The following PRIM2 variants were observed in gnomAD, a reference collection of about 807,000 sequenced individuals.
PRIM2 encodes DNA primase large subunit.
In PRIM2, 39 loss-of-function variants were observed where a neutral mutation model predicts 67.3. The ratio of observed to expected loss-of-function variants is 0.58; its 90% CI spans 0.45 to 0.76. PRIM2 has a LOEUF of 0.76. PRIM2 is among the 30% of genes least tolerant of loss of function. The pLI is 0.00. For synonymous variants in PRIM2, 143 were observed against 198.7 expected (o/e 0.72, Z 2.36); for missense variants, 398 against 598.7 (o/e 0.66, Z 3.50).
At chr6:57,322,584 G>A (rs1182264894) in intron 3 of PRIM2, among the ~76,000 whole-genome samples, 1 of 152,150 alleles carries the variant, frequency 6.6e-6, no homozygotes, top group Non-Finnish European at 1.5e-5. Context: ...AGAAGGACGT[G>A]TTTGTTTCCC....
intron 7 of PRIM2, among the ~76,000 whole-genome samples, chr6:57,416,204 A>G (rs1771256098): frequency 6.6e-6 from 1 of 152,206 alleles, no homozygotes; most frequent in African/African-American, 2.4e-5. Flanking sequence ...CAGAATGGAT[A>G]TTGTGTTAGC....
intron 7 of PRIM2, among the ~76,000 whole-genome samples, chr6:57,425,711 G>A (rs1455980366): frequency 6.6e-6 from 1 of 152,176 alleles, no homozygotes; most frequent in Non-Finnish European, 1.5e-5. Context: ...AATGATGAGA[G>A]TCATTCTAGG....
intron 7 of PRIM2, among the ~76,000 whole-genome samples, chr6:57,392,270 A>G (rs1770377775): frequency 6.6e-6 from 1 of 152,012 alleles, no homozygotes; most frequent in South Asian, 2.1e-4. Flanking sequence ...GAGCTTTTGG[A>G]CTGAGACTGT....
At chr6:57,540,636 TTTAC>T (rs1775128226) in intron 10 of PRIM2, among the ~76,000 whole-genome samples, 4 of 152,156 alleles carry the variant, frequency 2.6e-5, no homozygotes, top group Non-Finnish European at 4.4e-5. Context: ...ACTAGTCTTA[TTTAC>T]TAACATGAGA....
intron 7 of PRIM2, among the ~76,000 whole-genome samples, chr6:57,424,150 T>C (rs2127373994): frequency 6.6e-6 from 1 of 152,312 alleles, no homozygotes; most frequent in East Asian, 1.9e-4. Context: ...AATTTAAACA[T>C]CAGGCACTCC....
At chr6:57,401,477 G>A (rs1051754825) in intron 7 of PRIM2, among the ~76,000 whole-genome samples, 3 of 152,050 alleles carry the variant, frequency 2.0e-5, no homozygotes, top group Non-Finnish European at 4.4e-5. Context: ...TGGTTTTGTG[G>A]CTCCCTTATA....
At chr6:57,413,020 T>G (rs1771143354) in intron 7 of PRIM2, among the ~76,000 whole-genome samples, 2 of 152,100 alleles carry the variant, frequency 1.3e-5, no homozygotes, top group Non-Finnish European at 2.9e-5. Flanking sequence ...TAAGTTAGTT[T>G]TTTGTGGCTT....
intron 7 of PRIM2, among the ~76,000 whole-genome samples, chr6:57,416,977 T>TC (rs78047246): frequency 6.6e-6 from 1 of 151,520 alleles, no homozygotes; most frequent in Non-Finnish European, 1.5e-5. Context: ...TTTTTCTTTT[T>TC]TTTTTTTGAG....
At chr6:57,241,961 T>C in the PRIM2 span, among the ~76,000 whole-genome samples, 10 of 152,340 alleles carry the variant, frequency 6.6e-5, no homozygotes, top group South Asian at 4.1e-4. Flanking sequence ...CGTCAGCCAC[T>C]GTGCCCGGCC....
At chr6:57,457,561 C>G (rs1772844307) in intron 7 of PRIM2, among the ~76,000 whole-genome samples, 1 of 152,130 alleles carries the variant, frequency 6.6e-6, no homozygotes, top group African/African-American at 2.4e-5. Flanking sequence ...ATGAGTGAGG[C>G]TCTGTGGGTG....
At chr6:57,474,428 C>G (rs1438533958) in intron 7 of PRIM2, among the ~76,000 whole-genome samples, 2 of 152,110 alleles carry the variant, frequency 1.3e-5, no homozygotes, top group Non-Finnish European at 1.5e-5. Flanking sequence ...CCCGCCTCAG[C>G]CTCCCAAAGT....
At chr6:57,419,793 T>C (rs1355544182) in intron 7 of PRIM2, among the ~76,000 whole-genome samples, 2 of 152,188 alleles carry the variant, frequency 1.3e-5, no homozygotes, top group Non-Finnish European at 1.5e-5. Flanking sequence ...AAATAAAATG[T>C]CTTGCTAATG....
At chr6:57,347,451 T>C (rs563267859) in intron 5 of PRIM2, among the ~76,000 whole-genome samples, 4,824 of 117,826 alleles carry the variant, frequency 0.041, 255 homozygotes, top group African/African-American at 0.15. Context: ...AAAATTTAAC[T>C]TCTTCTTCTG....
intron 7 of PRIM2, among the ~76,000 whole-genome samples, chr6:57,430,447 G>GTTTTTTTTTTTT (rs71687266): frequency 2.4e-3 from 190 of 78,162 alleles, no homozygotes; most frequent in Non-Finnish European, 3.4e-3. Flanking sequence ...TTCTTTCTTT[G>GTTTTTTTTTTTT]TTTTTTTTTT....
rs774481044 is a variant in PRIM2, at chr6:57,356,956, C to T, written c.460-22945C>T. Among the ~76,000 whole-genome samples, 73 of 134,432 alleles carry T rather than the reference C, an allele frequency of 5.4e-4. No homozygotes were observed. The South Asian group carries it at 5.9e-3, about 11-fold the overall frequency. 88.2% of individuals were successfully genotyped at this position (134,432 alleles called of 152,430 possible). A position where few individuals can be genotyped will look rare whatever the true frequency, so the allele number is the denominator to read the frequency against. On this transcript the variant is annotated intron_variant, in intron 5 of 13. Transcript: ENST00000615550. ...CTTTTTTTTTTTTTTTTTTTTGACA[C>T]GGAGTCTTGCTCTGTTGCCCAGGCT... is the stretch of plus-strand genomic sequence containing the variant.
intron 10 of PRIM2, among the ~76,000 whole-genome samples, chr6:57,567,989 A>T (rs1480378289): frequency 6.6e-6 from 1 of 152,160 alleles, no homozygotes; most frequent in Non-Finnish European, 1.5e-5. Context: ...TTGTTTGTTC[A>T]TAGGCATTTC....
chr6:57,340,980 C>A (rs1446795314), intron 5 of PRIM2, among the ~76,000 whole-genome samples: 1 of 152,078 alleles, frequency 6.6e-6, no homozygotes, highest in Non-Finnish European at 1.5e-5. Flanking sequence ...AGTCTGTTTG[C>A]CATATTTTAT....
intron 13 of PRIM2, among the ~76,000 whole-genome samples, chr6:57,641,824 C>A (rs1362131161): frequency 6.6e-6 from 1 of 152,096 alleles, no homozygotes; most frequent in Non-Finnish European, 1.5e-5. Flanking sequence ...GACAGTGTGG[C>A]GATTTCTCAA....
intron 12 of PRIM2, among the ~76,000 whole-genome samples, chr6:57,625,372 G>A (rs2127497836): frequency 6.6e-6 from 1 of 152,316 alleles, no homozygotes; most frequent in South Asian, 2.1e-4. Flanking sequence ...TTAGGTAATT[G>A]TGGATTAAAG....
Sources: allele counts gnomAD v4.1 joint callset (sites outside exome capture counted in the v4.1 genomes callset), GRCh38; gene constraint gnomAD v4.1.1; transcripts MANE v1.5; gene names NCBI Gene and HGNC (gene_info 2026-07-23, HGNC 2026-07-21).